The following MGAT4C variants were observed in gnomAD, a reference collection of about 807,000 sequenced individuals.
The protein encoded by MGAT4C is alpha-1,3-mannosyl-glycoprotein 4-beta-N-acetylglucosaminyltransferase C.
A neutral mutation model predicts 40.1 loss-of-function variants in MGAT4C; 19 were observed. The observed-to-expected ratio is 0.47, with a 90% CI of 0.33 to 0.70. The LOEUF (loss-of-function observed/expected upper bound fraction) is 0.70. Among genes scored for constraint, MGAT4C ranks in the 30% least tolerant of loss-of-function variants. The probability of loss-of-function intolerance (pLI) is 0.02; values close to 1 mark genes in which losing one functional copy is unlikely to be tolerated. For missense variants in MGAT4C, 491 were observed against 563.2 expected, an observed-to-expected ratio of 0.87 and a Z score of 1.30; for synonymous variants, 181 against 187.1, an observed-to-expected ratio of 0.97 and a Z score of 0.27.
chr12:86,441,431 T>C (rs559434347), intron 2 of MGAT4C, among the ~76,000 whole-genome samples: 12 of 151,780 alleles, frequency 7.9e-5, no homozygotes, highest in Non-Finnish European at 1.6e-4. Context: ...ATGTGCCATG[T>C]TGGTGTGCTG....
At chr12:86,745,925 G>T (rs148277537) in intron 1 of MGAT4C, among the ~76,000 whole-genome samples, 1 of 151,756 alleles carries the variant, frequency 6.6e-6, no homozygotes, top group East Asian at 1.9e-4. Context: ...TAATGAGGCA[G>T]AATTATACAG....
rs142205684 is a variant in MGAT4C, at chr12:86,717,970, C to A, written c.-229+9239G>T. On this transcript the variant is annotated intron_variant, in intron 2 of 7. Coordinates refer to the MGAT4C transcript ENST00000548651. ...TATCCTTTCTGAAAATTTATGTTAA[C>A]CAGTTATTTTAATCAGGAGGAATTT... is the stretch of plus-strand genomic sequence containing the variant. 8.6e-4 allele frequency among the ~76,000 whole-genome samples: 131 copies of A among 152,208 alleles called. 2 individuals are homozygous for A. The highest frequency in any genetic ancestry group is 3.0e-3 in the African/African-American group (126 of 41,524).
At chr12:86,148,351 A>G (rs1258027412) in intron 1 of MGAT4C, among the ~76,000 whole-genome samples, 2 of 152,212 alleles carry the variant, frequency 1.3e-5, no homozygotes, top group African/African-American at 4.8e-5. Context: ...CAGTTAAAAA[A>G]CATTGTGTGC....
intron 2 of MGAT4C, among the ~76,000 whole-genome samples, chr12:86,049,336 G>A (rs147914675): frequency 7.9e-5 from 12 of 151,956 alleles, no homozygotes; most frequent in Non-Finnish European, 1.3e-4. Context: ...CTGCACAAGT[G>A]TGTGCACTCT....
chr12:86,206,093 T>C (rs1291839409), intron 1 of MGAT4C, among the ~76,000 whole-genome samples: 1 of 152,142 alleles, frequency 6.6e-6, no homozygotes, highest in Non-Finnish European at 1.5e-5. Flanking sequence ...TTGACCCCTG[T>C]GAAACTCATG....
At chr12:86,388,024 T>C (rs1381233937) in intron 3 of MGAT4C, among the ~76,000 whole-genome samples, 1 of 152,172 alleles carries the variant, frequency 6.6e-6, no homozygotes, top group African/African-American at 2.4e-5. Context: ...AATAGATGCT[T>C]GTAATTCAGA....
chr12:86,298,835 G>GT (rs1953742684), intron 4 of MGAT4C, among the ~76,000 whole-genome samples: 1 of 151,994 alleles, frequency 6.6e-6, no homozygotes, highest in Non-Finnish European at 1.5e-5. Context: ...CAGTCCAGCA[G>GT]TTAGTATATC....
At position 86,677,489 on chromosome 12, in the gene MGAT4C, A is replaced by G. The variant is rs535549013; in HGVS notation, c.-229+49720T>C. Among the ~76,000 whole-genome samples the G allele has an allele frequency of 6.6e-5, 10 of 152,278 alleles. No homozygotes were observed. In the East Asian group the frequency reaches 1.9e-3, roughly 29 times the overall value. On this transcript the variant is annotated intron_variant, in intron 2 of 7. Transcript: ENST00000548651. ...AATGAGGTTACATCTTCTTAATTTC[A>G]TGCCATTCAGAATCATCATTTTAAA... is the stretch of plus-strand genomic sequence containing the variant.
At chr12:86,403,805 G>A (rs1592797914) in intron 3 of MGAT4C, among the ~76,000 whole-genome samples, 1 of 152,084 alleles carries the variant, frequency 6.6e-6, no homozygotes, top group East Asian at 1.9e-4. Context: ...TCCCAATGGG[G>A]ACACTTTTAT....
chr12:86,427,712 C>T (rs1956956162), intron 3 of MGAT4C, among the ~76,000 whole-genome samples: 1 of 152,122 alleles, frequency 6.6e-6, no homozygotes, highest in Non-Finnish European at 1.5e-5. Context: ...CATTTTCATT[C>T]ACATGGAATA....
At chr12:86,215,180 A>G (rs974316920) in intron 1 of MGAT4C, among the ~76,000 whole-genome samples, 3 of 152,128 alleles carry the variant, frequency 2.0e-5, no homozygotes, top group African/African-American at 7.2e-5. Context: ...AAACCAATCC[A>G]TAGACATATG....
chr12:86,705,773 A>C (rs1472507412), intron 2 of MGAT4C, among the ~76,000 whole-genome samples: 2 of 152,174 alleles, frequency 1.3e-5, no homozygotes, highest in Non-Finnish European at 2.9e-5. Context: ...ATGTAGTGTA[A>C]CAAATAATTA....
At chr12:86,688,658 T>C (rs1215195385) in intron 2 of MGAT4C, among the ~76,000 whole-genome samples, 1 of 152,182 alleles carries the variant, frequency 6.6e-6, no homozygotes, top group Non-Finnish European at 1.5e-5. Flanking sequence ...TCTTCAAGAA[T>C]GTTGTATTTT....
intron 1 of MGAT4C, among the ~76,000 whole-genome samples, chr12:86,826,534 T>C (rs1219392597): frequency 6.6e-6 from 1 of 151,550 alleles, no homozygotes; most frequent in Non-Finnish European, 1.5e-5. Context: ...AATATTTTTG[T>C]TTAAATGCAC....
intron 2 of MGAT4C, chr12:86,495,141 T>C (rs1215659339): frequency 6.6e-6 from 1 of 152,098 alleles, no homozygotes. Context: ...ATAAACTATT[T>C]ATTTGCATAT....
intron 2 of MGAT4C, among the ~76,000 whole-genome samples, chr12:86,620,747 T>A (rs573130913): frequency 6.6e-6 from 1 of 152,198 alleles, no homozygotes; most frequent in Non-Finnish European, 1.5e-5. Flanking sequence ...AGGAGGAGTC[T>A]TGTGGGAGGT....
intron 1 of MGAT4C, among the ~76,000 whole-genome samples, chr12:86,782,169 G>GTA (rs1951854392): frequency 2.3e-5 from 1 of 42,996 alleles, no homozygotes; most frequent in Non-Finnish European, 4.9e-5. Context: ...AATGTTTTTT[G>GTA]TATTTTTTTT....
intron 2 of MGAT4C, among the ~76,000 whole-genome samples, chr12:86,002,777 A>G (rs957469228): frequency 6.6e-6 from 1 of 151,042 alleles, no homozygotes; most frequent in African/African-American, 2.4e-5. Flanking sequence ...TTATCTGTGG[A>G]TGGTATTATC....
intron 1 of MGAT4C, among the ~76,000 whole-genome samples, chr12:86,101,621 A>T (rs920273153): frequency 1.3e-5 from 2 of 151,904 alleles, no homozygotes; most frequent in Admixed American, 6.6e-5. Context: ...TGCTCCTGTC[A>T]GATTAAATCA....
Sources: allele counts gnomAD v4.1 joint callset (sites outside exome capture counted in the v4.1 genomes callset), GRCh38; gene constraint gnomAD v4.1.1; transcripts MANE v1.5; gene names NCBI Gene and HGNC (gene_info 2026-07-23, HGNC 2026-07-21).